KRT2: variants seen among roughly 807,000 people sequenced by gnomAD.
KRT2 encodes the protein keratin, type II cytoskeletal 2 epidermal.
KRT2 carries 37 observed loss-of-function variants against 48.5 expected under a neutral mutation model. That is an observed-to-expected ratio of 0.76 (90% confidence interval 0.59 to 1.00). The LOEUF (loss-of-function observed/expected upper bound fraction) is 1.00. KRT2 is among the 50% of genes least tolerant of loss of function. KRT2 has a pLI of 0.00. For synonymous variants in KRT2, 324 were observed against 312.2 expected, an observed-to-expected ratio of 1.04 and a Z score of -0.40; for missense variants, 880 against 815.2, an observed-to-expected ratio of 1.08 and a Z score of -0.97.
At chr12:52,648,138 G>C in intron 5 of KRT2, 35 bp downstream of exon 5, 1 of 1,610,088 alleles carries the variant, frequency 6.2e-7, no homozygotes, top group Non-Finnish European at 8.5e-7. Context: ...CTCATGGCAG[G>C]GAGCTGTGGC....
In KRT2 at chr12:52,646,765, T is replaced by G. The variant is rs1474775500; in HGVS notation, c.1444A>C (p.Lys482Gln). Residue 482 changes from lysine to glutamine, a missense_variant, in exon 7 of 9, where the codon AAA becomes CAA. Physicochemically the swap from Lys to Gln is moderately conservative, Grantham distance 53. Coordinates refer to ENST00000309680, the MANE Select transcript of KRT2 (RefSeq NM_000423.3). ...ALDVEIATYRKLLEGEECRMS... is the reference protein window; with the variant it reads ...ALDVEIATYRQLLEGEECRMS... ...CTGCACTCCTCGCCCTCCAGCAGTT[T>G]GCGGTAGGTGGCGATCTCCACATCT... The G allele has an allele frequency of 3.7e-6, 6 of 1,614,044 alleles. No individual in the cohort carries two copies. The highest frequency in any genetic ancestry group is 5.1e-6 in the Non-Finnish European group (6 of 1,179,996).
chr12:52,651,931 C>T lies in KRT2; in HGVS notation c.212G>A (p.Ser71Asn). ...TCCTCCAGCCACACTAATGGAGATG[C>T]TCTTGGTCCCTCCAAGGCCAACAAG... ...RSLVGLGGTK[S>N]ISISVAGGGG... Residue 71 changes from serine (S) to asparagine (N), a missense_variant, in exon 1 of 9, where the codon AGC becomes AAC. Physicochemically the swap from Ser to Asn is conservative, Grantham distance 46. Coordinates refer to ENST00000309680, the MANE Select transcript of KRT2 (RefSeq NM_000423.3). 1.2e-6 allele frequency: 2 copies of T among 1,614,094 alleles called. No homozygotes were observed. Among genetic ancestry groups the T allele is most frequent in the Non-Finnish European group, 1.7e-6 (2 of 1,180,014 alleles).
In KRT2 at chr12:52,648,990, C is replaced by A; in HGVS notation, c.957+17G>T. The A allele has an allele frequency of 6.6e-7, 1 of 1,515,158 alleles. No homozygotes were observed. The highest frequency in any genetic ancestry group is 9.2e-7 in the Non-Finnish European group (1 of 1,089,816). 93.9% of individuals were successfully genotyped at this position (1,515,158 alleles called of 1,614,324 possible). A position where few individuals can be genotyped will look rare whatever the true frequency, so the allele number is the denominator to read the frequency against. On this transcript the variant is annotated intron_variant, in intron 4 of 8. Coordinates refer to ENST00000309680, the MANE Select transcript of KRT2 (RefSeq NM_000423.3). ...AAGGGTGGGAAGTAAGGGACTGTCC[C>A]GGAGCAGCCTCCTTACCGCATCATA...
In KRT2 at chr12:52,644,914, G is replaced by A. The variant is rs924317224; in HGVS notation, c.*105C>T. 2 of 1,246,082 alleles carry A rather than the reference G, an allele frequency of 1.6e-6. No homozygotes were observed. Among genetic ancestry groups the A allele is most frequent in the African/African-American group, 3.0e-5 (2 of 66,506 alleles). The allele number at this position is 1,246,082 out of a possible 1,614,324, so 77.2% of individuals were successfully genotyped here. A position where few individuals can be genotyped will look rare whatever the true frequency, so the allele number is the denominator to read the frequency against. ...CCTCAAAGTGCCATCAGAGATAAAT[G>A]ACAAAAATTTAACTTGCTGCCAGTT... On this transcript the variant is annotated 3_prime_UTR_variant, in exon 9 of 9. Coordinates refer to ENST00000309680, the MANE Select transcript of KRT2 (RefSeq NM_000423.3).
chr12:52,652,063 G>C lies in KRT2; in HGVS notation c.80C>G (p.Ala27Gly), dbSNP rs574869727. The change falls in exon 1 of 9, where the codon GCT (alanine) becomes GGT (glycine). Residue 27 changes from alanine to glycine, a missense_variant. Coordinates refer to ENST00000309680, the MANE Select transcript of KRT2 (RefSeq NM_000423.3). ...GGFRGFSSGSAVVSGGSRRST... is the reference protein window; with the variant it reads ...GGFRGFSSGSGVVSGGSRRST... ...TCTCCGGCTTCCACCAGACACCACA[G>C]CTGAGCCGCTGCTGAAGCCCCGGAA... 1.2e-6 allele frequency: 2 copies of C among 1,602,322 alleles called. No homozygotes were observed. Among genetic ancestry groups the C allele is most frequent in the East Asian group, 4.5e-5 (2 of 44,866 alleles).
At chr12:52,649,177 C>T in intron 3 of KRT2, 75 bp from the exon 4 acceptor site, 2 of 907,988 alleles carry the variant, frequency 2.2e-6, no homozygotes, top group Non-Finnish European at 3.7e-6. Flanking sequence ...CTCCCCTCTA[C>T]TCAGTCCCTG....
At position 52,650,564 on chromosome 12, in the gene KRT2, CAGA is replaced by C. The variant is rs769818099; in HGVS notation, c.586-14_586-12del. 1.1e-5 allele frequency: 17 copies of C among 1,609,496 alleles called. No homozygotes were observed. In the East Asian group the frequency reaches 2.2e-4, roughly 21 times the overall value. On this transcript the variant is annotated splice_polypyrimidine_tract_variant and intron_variant, in intron 1 of 8. Coordinates refer to ENST00000309680, the MANE Select transcript of KRT2 (RefSeq NM_000423.3). ...CTCCAAGAACCGCACCTGCCATGAC[CAGA>C]AGGAGAGCACATGAGTTCTAGATCA...
rs638043 is a variant in KRT2, at chr12:52,650,483, C to T, written c.656G>A (p.Gly219Asp). The T allele has an allele frequency of 0.13, 213,891 of 1,613,492 alleles. 15,687 individuals carry two copies. Among genetic ancestry groups the T allele is most frequent in the Middle Eastern group, 0.23 (1,304 of 5,682 alleles). The change falls in exon 2 of 9, where the codon GGC becomes GAC. Residue 219 changes from glycine (G) to aspartate (D), a missense_variant. Physicochemically the swap from Gly to Asp is moderately conservative, Grantham distance 94. Transcript: ENST00000309680. ...GGGCTCCAGGTTGATGGGGCGGGTG[C>T]CAACATTCATTTGTTGTAGCAGCTC... is the stretch of plus-strand genomic sequence containing the variant. ...KWELLQQMNV[G>D]TRPINLEPIF...
rs144157082 is a variant in KRT2, at chr12:52,645,366, C to T, written c.1573G>A (p.Gly525Arg). ...KAAFGGSGGR[G>R]SSSGGGYSSG... ...CTGTATCCTCCTCCGGAACTGGACCCTCTACCTCCAGAACCTCCAAAGGCA... is the reference window on the plus strand; with the variant it reads ...CTGTATCCTCCTCCGGAACTGGACCTTCTACCTCCAGAACCTCCAAAGGCA... Residue 525 changes from glycine to arginine, a missense_variant, in exon 9 of 9, where the codon GGG becomes AGG. By Grantham distance (125) the Gly-to-Arg change is moderately radical. Transcript: ENST00000309680. 4 of 1,614,242 alleles carry T rather than the reference C, an allele frequency of 2.5e-6. No individual in the cohort carries two copies. The highest frequency in any genetic ancestry group is 1.3e-5 in the African/African-American group (1 of 75,058).
At chr12:52,648,398 CCT>C (rs1941201251) in intron 4 of KRT2, 61 bp from the exon 5 acceptor site, 2 of 1,403,922 alleles carry the variant, frequency 1.4e-6, no homozygotes, top group Non-Finnish European at 2.0e-6. Context: ...AGACAGGAGG[CCT>C]CTGTCTCCCA....
At chr12:52,649,510 C>A (rs1349219011) in intron 3 of KRT2, among the ~76,000 whole-genome samples, 1 of 152,234 alleles carries the variant, frequency 6.6e-6, no homozygotes, top group Non-Finnish European at 1.5e-5. Context: ...CAGGACCCAG[C>A]AGGAGAACCC....
In KRT2 at chr12:52,647,774, C is replaced by G. The variant is rs756976713; in HGVS notation, c.1204G>C (p.Val402Leu). 2.5e-6 allele frequency: 4 copies of G among 1,613,940 alleles called. No individual in the cohort carries two copies. Among genetic ancestry groups the G allele is most frequent in the South Asian group, 2.2e-5 (2 of 91,016 alleles). Residue 402 changes from valine to leucine, a missense_variant, in exon 6 of 9, where the codon GTG (valine) becomes CTG (leucine). Transcript: ENST00000309680. ...ATCTCCCCCTGCAGCCTCTGGATCA[C>G]GCGGTTCAGCTCGCTGATCTCTATC... ...IKIEISELNR[V>L]IQRLQGEIAH...
At chr12:52,650,061 C>A in intron 2 of KRT2, 87 bp from the exon 3 acceptor site, 1 of 983,060 alleles carries the variant, frequency 1.0e-6, no homozygotes, top group Non-Finnish European at 1.7e-6. Context: ...CCCCAAATGC[C>A]CCATTCTCTG....
rs758716741 is a variant in KRT2 at position 52,645,321 on chromosome 12, C to T, written c.1618G>A (p.Gly540Ser). The T allele has an allele frequency of 9.8e-5, 158 of 1,614,086 alleles. No individual in the cohort carries two copies. The highest frequency in any genetic ancestry group is 1.3e-4 in the Non-Finnish European group (150 of 1,180,040). Reference sequence around the variant, plus strand: ...GAGCCAGACTGTCGGCCTCCAGAGCCATAACTGCTGCTTCCAGAGCTGTAT... The same window carrying T: ...GAGCCAGACTGTCGGCCTCCAGAGCTATAACTGCTGCTTCCAGAGCTGTAT... ...GGYSSGSSSYGSGGRQSGSRG... is the reference protein window; with the variant it reads ...GGYSSGSSSYSSGGRQSGSRG... The change falls in exon 9 of 9, where the codon GGC becomes AGC. Residue 540 changes from glycine (G) to serine (S), a missense_variant. Physicochemically the swap from Gly to Ser is moderately conservative, Grantham distance 56. Transcript: ENST00000309680.
Position 52,645,286 on chromosome 12 carries a change from A to G in KRT2, c.1653T>C (p.Gly551=). 2 of 1,613,794 alleles carry G rather than the reference A, an allele frequency of 1.2e-6. No individual in the cohort carries two copies. The part of the protein sequence containing the change: ...SGGRQSGSRG[G]SGGGGSISGG... ...CAGAGATAGAACCTCCTCCTCCACT[A>G]CCGCCTCTGGAGCCAGACTGTCGGC... Residue 551 remains glycine (G), a synonymous_variant, in exon 9 of 9, where the codon GGT becomes GGC. Transcript: ENST00000309680.
At position 52,648,287 on chromosome 12, in the gene KRT2, G is replaced by A. The variant is rs772779905; in HGVS notation, c.1008C>T (p.Ser336=). The change falls in exon 5 of 9, where the codon TCC becomes TCT. Residue 336 remains serine, a synonymous_variant. Transcript: ENST00000309680. ...QSVTDTNVIL[S]MDNSRNLDLD... ...AGTCCAGGTTGCGGCTGTTGTCCAT[G>A]GAGAGGATGACGTTGGTGTCAGTGA... 1.4e-5 allele frequency: 22 copies of A among 1,613,910 alleles called. No homozygotes were observed. Among genetic ancestry groups the A allele is most frequent in the Middle Eastern group, 1.6e-4 (1 of 6,084 alleles).
chr12:52,648,912 A>C, intron 4 of KRT2, 95 bp downstream of exon 4: 1 of 834,348 alleles, frequency 1.2e-6, no homozygotes, highest in Non-Finnish European at 2.1e-6. Flanking sequence ...CTGGTCCATA[A>C]ACCCCACTTC....
In KRT2 at chr12:52,644,857, T is replaced by C. The variant is rs1422915073; in HGVS notation, c.*162A>G. On this transcript the variant is annotated 3_prime_UTR_variant, in exon 9 of 9. Coordinates refer to ENST00000309680, the MANE Select transcript of KRT2 (RefSeq NM_000423.3). ...CTAACTAACTGGTTTGGAGAGAAGA[T>C]CTTTCAAAAACTGTATGTGGACATT... 5.5e-6 allele frequency: 4 copies of C among 732,832 alleles called. No individual in the cohort carries two copies. In the Admixed American group the frequency reaches 1.0e-4, roughly 19 times the overall value. The allele number at this position is 732,832 out of a possible 1,614,324, so 45.4% of individuals were successfully genotyped here. A position where few individuals can be genotyped will look rare whatever the true frequency, so the allele number is the denominator to read the frequency against.
At position 52,648,297 on chromosome 12, in the gene KRT2, A is replaced by G; in HGVS notation, c.998T>C (p.Val333Ala). Residue 333 changes from valine (V) to alanine (A), a missense_variant, in exon 5 of 9, where the codon GTC becomes GCC. Physicochemically the swap from Val to Ala is moderately conservative, Grantham distance 64. Transcript: ENST00000309680. ...GCGGCTGTTGTCCATGGAGAGGATGACGTTGGTGTCAGTGACACTCTGATG... is the reference window on the plus strand; with the variant it reads ...GCGGCTGTTGTCCATGGAGAGGATGGCGTTGGTGTCAGTGACACTCTGATG... ...QIHQSVTDTNVILSMDNSRNL... is the reference protein window; with the variant it reads ...QIHQSVTDTNAILSMDNSRNL... The G allele has an allele frequency of 6.2e-7, 1 of 1,614,116 alleles. No homozygotes were observed. Among genetic ancestry groups the G allele is most frequent in the Non-Finnish European group, 8.5e-7 (1 of 1,179,974 alleles).
Sources: allele counts gnomAD v4.1 joint callset (sites outside exome capture counted in the v4.1 genomes callset), GRCh38; gene constraint gnomAD v4.1.1; transcripts MANE v1.5; gene names NCBI Gene and HGNC (gene_info 2026-07-23, HGNC 2026-07-21).